The following EML6 variants were observed in gnomAD, a reference collection of about 807,000 sequenced individuals.
EML6 encodes echinoderm microtubule-associated protein-like 6.
EML6 carries 154 observed loss-of-function variants against 240.1 expected under a neutral mutation model. The ratio of observed to expected loss-of-function variants is 0.64; its 90% CI spans 0.56 to 0.73. The LOEUF is 0.73. Among genes scored for constraint, EML6 ranks in the 30% least tolerant of loss-of-function variants. The pLI is 0.00. For synonymous variants in EML6, 1,148 were observed against 899.0 expected, an observed-to-expected ratio of 1.28 and a Z score of -4.95; for missense variants, 2,964 against 2,474.6, an observed-to-expected ratio of 1.20 and a Z score of -4.20.
At chr2:54,948,451 C>T (rs1461122890) in intron 28 of EML6, among the ~76,000 whole-genome samples, 1 of 152,168 alleles carries the variant, frequency 6.6e-6, no homozygotes, top group East Asian at 1.9e-4. Flanking sequence ...CCATGGCCAT[C>T]GACAACTTAA....
chr2:54,853,938 C>A, intron 11 of EML6, 83 bp downstream of exon 11: 1 of 764,744 alleles, frequency 1.3e-6, no homozygotes, highest in South Asian at 2.5e-5. Context: ...TTCCTGCTGT[C>A]TATTCCAATG....
intron 2 of EML6, among the ~76,000 whole-genome samples, chr2:54,762,025 C>T (rs1415961036): frequency 6.6e-6 from 1 of 152,066 alleles, no homozygotes; most frequent in African/African-American, 2.4e-5. Flanking sequence ...GCTCTATATT[C>T]TTCTTTAGTC....
At chr2:54,933,737 G>GAAAGAAA (rs1442947908) in intron 28 of EML6, among the ~76,000 whole-genome samples, 1 of 151,044 alleles carries the variant, frequency 6.6e-6, no homozygotes. Context: ...GCCTCAAAAA[G>GAAAGAAA]AAAGAAAAAA....
chr2:54,891,723 A>G (rs937664379), intron 18 of EML6, among the ~76,000 whole-genome samples: 1 of 152,194 alleles, frequency 6.6e-6, no homozygotes, highest in Non-Finnish European at 1.5e-5. Context: ...CCAAGCCCTA[A>G]CTTATTATGC....
chr2:54,959,300 T>C (rs1212111651), intron 34 of EML6, 39 bp downstream of exon 34: 4 of 1,479,876 alleles, frequency 2.7e-6, no homozygotes, highest in South Asian at 2.7e-5. Flanking sequence ...TGTCGTTTGT[T>C]GTTATCTTGG....
Position 54,827,634 on chromosome 2 carries a change from G to A in EML6, c.594G>A (p.Gln198=). ...TATTTGGCAAAACAGGGGATCTTCA[G>A]ACCATCCTTTGCCTTGCATGTGCCA... is the stretch of plus-strand genomic sequence containing the variant. ...RGIFGKTGDL[Q]TILCLACAKE... Residue 198 remains glutamine (Q), a synonymous_variant, in exon 6 of 42, where the codon CAG becomes CAA. Transcript: ENST00000356458. 4 of 1,551,694 alleles carry A rather than the reference G, an allele frequency of 2.6e-6. No individual in the cohort carries two copies. The highest frequency in any genetic ancestry group is 1.7e-6 in the Non-Finnish European group (2 of 1,146,960).
At chr2:54,899,878 T>G in intron 22 of EML6, 96 bp downstream of exon 22, 2 of 1,167,666 alleles carry the variant, frequency 1.7e-6, no homozygotes, top group Middle Eastern at 2.0e-4. Context: ...AGGGCACGTG[T>G]TATATGCCCA....
chr2:54,788,655 A>G lies in EML6; in HGVS notation c.198-24577A>G, dbSNP rs192185544. 7.2e-5 allele frequency among the ~76,000 whole-genome samples: 11 copies of G among 152,316 alleles called. 1 individual carries two copies. The East Asian group carries it at 1.5e-3, about 21-fold the overall frequency. ...AAAATAACTGGTTATTTGGCTGGTT[A>G]TATTAACTTGTCTAATAGAATGGCT... On this transcript the variant is annotated intron_variant, in intron 2 of 41. Transcript: ENST00000356458.
At chr2:54,904,059 T>C (rs971995274) in intron 24 of EML6, among the ~76,000 whole-genome samples, 6 of 152,220 alleles carry the variant, frequency 3.9e-5, no homozygotes, top group South Asian at 2.1e-4. Context: ...CTAGCTTTTA[T>C]GGTGTTGCAT....
chr2:54,749,024 A>C (rs1245061746), intron 2 of EML6, among the ~76,000 whole-genome samples: 2 of 152,370 alleles, frequency 1.3e-5, no homozygotes, highest in Admixed American at 6.5e-5. Context: ...AGATATTTCT[A>C]GAAGTAGAAT....
intron 24 of EML6, among the ~76,000 whole-genome samples, chr2:54,903,746 C>G (rs961763681): frequency 6.6e-6 from 1 of 152,196 alleles, no homozygotes; most frequent in Non-Finnish European, 1.5e-5. Context: ...AGTTTTAAGA[C>G]AGTTAAAGAT....
Position 54,948,548 on chromosome 2 carries a change from C to CAGG in EML6, c.4005-334_4005-333insAGG, listed in dbSNP as rs1558716532. 2.0e-5 allele frequency among the ~76,000 whole-genome samples: 3 copies of CAGG among 152,218 alleles called. No homozygotes were observed. In the South Asian group the frequency reaches 6.2e-4, roughly 32 times the overall value. On this transcript the variant is annotated intron_variant, in intron 28 of 41. Coordinates refer to ENST00000356458, the MANE Select transcript of EML6 (RefSeq NM_001039753.4). ...TCCCGCCCCTCATGGTCAGGCTTCT[C>CAGG]CTTGGTTTTGAACCAAGCCCCTCTT... is the stretch of plus-strand genomic sequence containing the variant.
intron 4 of EML6, among the ~76,000 whole-genome samples, 200 bp from the exon 5 acceptor site, chr2:54,820,194 G>A (rs1404183642): frequency 6.6e-6 from 1 of 152,092 alleles, no homozygotes; most frequent in Non-Finnish European, 1.5e-5. Context: ...TCTCTACTCA[G>A]GCCTTAAGGT....
chr2:54,776,745 C>T (rs764642696), intron 2 of EML6, among the ~76,000 whole-genome samples: 10 of 152,000 alleles, frequency 6.6e-5, no homozygotes, highest in East Asian at 5.8e-4. Flanking sequence ...CCCACCCCCA[C>T]GTCCTGTTTC....
chr2:54,808,674 C>G (rs897278137), intron 2 of EML6, among the ~76,000 whole-genome samples: 2 of 152,006 alleles, frequency 1.3e-5, no homozygotes, highest in Admixed American at 6.6e-5. Flanking sequence ...AATTTTTTGC[C>G]TCAAGGAATC....
At chr2:54,859,295 T>TC (rs1670551306) in intron 11 of EML6, among the ~76,000 whole-genome samples, 1 of 152,246 alleles carries the variant, frequency 6.6e-6, no homozygotes, top group African/African-American at 2.4e-5. Context: ...TGGAACAGGT[T>TC]CAGATGTGTC....
At chr2:54,864,501 C>T (rs1028523183) in intron 13 of EML6, among the ~76,000 whole-genome samples, 1 of 152,198 alleles carries the variant, frequency 6.6e-6, no homozygotes, top group Non-Finnish European at 1.5e-5. Flanking sequence ...AATCCCTCAG[C>T]GGAATCTGAA....
At chr2:54,901,693 T>C (rs1415150253) in intron 22 of EML6, among the ~76,000 whole-genome samples, 2 of 152,248 alleles carry the variant, frequency 1.3e-5, no homozygotes, top group African/African-American at 4.8e-5. Flanking sequence ...GTCTCAGTAC[T>C]GGCACGTCAG....
chr2:54,773,493 C>G (rs905803760), intron 2 of EML6, among the ~76,000 whole-genome samples: 2 of 152,254 alleles, frequency 1.3e-5, no homozygotes, highest in African/African-American at 4.8e-5. Flanking sequence ...GAGCTTTCTT[C>G]CACCCCTCAT....
Sources: allele counts gnomAD v4.1 joint callset (sites outside exome capture counted in the v4.1 genomes callset), GRCh38; gene constraint gnomAD v4.1.1; transcripts MANE v1.5; gene names NCBI Gene and HGNC (gene_info 2026-07-23, HGNC 2026-07-21).